Variants in RECQL observed in about 807,000 individuals in gnomAD.
The protein encoded by RECQL is RecQ like helicase.
Under a neutral mutation model 75.8 loss-of-function variants are expected in RECQL, and 73 were observed. The ratio of observed to expected loss-of-function variants is 0.96; its 90% CI spans 0.80 to 1.17. The LOEUF (loss-of-function observed/expected upper bound fraction) is 1.17, where lower values mean the gene tolerates loss of function less well. Among genes scored for constraint, RECQL ranks in the 50% most tolerant of loss-of-function variants. The pLI is 0.00. For synonymous variants in RECQL, 248 were observed against 254.4 expected, an observed-to-expected ratio of 0.97 and a Z score of 0.24; for missense variants, 699 against 772.1, an observed-to-expected ratio of 0.91 and a Z score of 1.12.
At chr12:21,493,558 T>G (rs139607795) in intron 2 of RECQL, among the ~76,000 whole-genome samples, 2 of 152,208 alleles carry the variant, frequency 1.3e-5, no homozygotes, top group African/African-American at 4.8e-5. Context: ...TGAATTTCAA[T>G]ACAAACTGAA....
chr12:21,498,265 T>G (rs536552233), intron 2 of RECQL, among the ~76,000 whole-genome samples: 3 of 152,232 alleles, frequency 2.0e-5, no homozygotes, highest in African/African-American at 7.2e-5. Context: ...CTTTAAGGGC[T>G]GGACTAGTAG....
chr12:21,495,199 G>A (rs914093680), intron 2 of RECQL, among the ~76,000 whole-genome samples: 1 of 152,198 alleles, frequency 6.6e-6, no homozygotes, highest in Non-Finnish European at 1.5e-5. Context: ...GCAGAGGTTG[G>A]AGCCTGTTGG....
At chr12:21,482,956 G>A (rs1943219889) in intron 6 of RECQL, among the ~76,000 whole-genome samples, 2 of 152,194 alleles carry the variant, frequency 1.3e-5, no homozygotes, top group Non-Finnish European at 2.9e-5. Context: ...TCAGAATGAT[G>A]ACTAAAGATG....
At chr12:21,472,637 T>C (rs897077250) in intron 12 of RECQL, among the ~76,000 whole-genome samples, 4 of 152,078 alleles carry the variant, frequency 2.6e-5, no homozygotes, top group African/African-American at 9.7e-5. Context: ...TGCAAATACA[T>C]TATATTTTCT....
At position 21,491,572 on chromosome 12, in the gene RECQL, T is replaced by C. The variant is rs1943414326; in HGVS notation, c.161A>G (p.Asp54Gly). ...KKIKQCLEDS[D>G]AGASNEYDSS... ...ATCATATTCATTGCTTGCCCCGGCATCAGAATCCTCTAAACACTGCTTTAT... is the reference window on the plus strand; with the variant it reads ...ATCATATTCATTGCTTGCCCCGGCACCAGAATCCTCTAAACACTGCTTTAT... The change falls in exon 3 of 15, where the codon GAT (aspartate) becomes GGT (glycine). Residue 54 changes from aspartate (D) to glycine (G), a missense_variant. This residue lies in a region of RECQL where 669 missense variants were observed against 713.5 expected (regional missense o/e 0.94). Transcript: ENST00000444129. The C allele has an allele frequency of 6.2e-7, 1 of 1,613,460 alleles. No homozygotes were observed. Among genetic ancestry groups the C allele is most frequent in the Non-Finnish European group, 8.5e-7 (1 of 1,179,812 alleles).
chr12:21,486,896 C>A (rs1467872915), intron 4 of RECQL, among the ~76,000 whole-genome samples: 1 of 151,976 alleles, frequency 6.6e-6, no homozygotes. Flanking sequence ...TGGTCTCAAA[C>A]TCCTGAGCTC....
chr12:21,499,794 A>G (rs1943573244), intron 1 of RECQL, among the ~76,000 whole-genome samples, 179 bp from the exon 2 acceptor site: 1 of 152,122 alleles, frequency 6.6e-6, no homozygotes, highest in African/African-American at 2.4e-5. Flanking sequence ...TTTATGGAAA[A>G]CTCTATATTT....
At position 21,475,757 on chromosome 12, in the gene RECQL, A is replaced by C. The variant is rs1943074417; in HGVS notation, c.1017T>G (p.Ile339Met). The C allele has an allele frequency of 6.2e-7, 1 of 1,613,282 alleles. No individual in the cohort carries two copies. The highest frequency in any genetic ancestry group is 1.7e-5 in the Admixed American group (1 of 59,974). ...QVTVSLQNLG[I>M]HAGAYHANLE... Reference sequence around the variant, plus strand: ...AATTGGCATGGTAAGCACCTGCATGAATTCCCAGATTCTGCAAACTAACCG... The same window carrying C: ...AATTGGCATGGTAAGCACCTGCATGCATTCCCAGATTCTGCAAACTAACCG... Residue 339 changes from isoleucine (I) to methionine (M), a missense_variant, in exon 9 of 15, where the codon ATT (isoleucine) becomes ATG (methionine). Physicochemically the swap from Ile to Met is conservative, Grantham distance 10. Coordinates refer to ENST00000444129, the MANE Select transcript of RECQL (RefSeq NM_002907.4).
intron 6 of RECQL, among the ~76,000 whole-genome samples, chr12:21,478,764 A>G (rs1377313479): frequency 1.3e-5 from 2 of 152,178 alleles, no homozygotes; most frequent in African/African-American, 4.8e-5. Context: ...CAAAAGAGGG[A>G]CTTGTGCAAG....
At chr12:21,474,392 T>C (rs1943042077) in intron 11 of RECQL, among the ~76,000 whole-genome samples, 1 of 152,086 alleles carries the variant, frequency 6.6e-6, no homozygotes, top group South Asian at 2.1e-4. Flanking sequence ...TTCAGGAAGC[T>C]ATCTAGTCTA....
chr12:21,496,090 T>G (rs1311781343), intron 2 of RECQL, among the ~76,000 whole-genome samples: 1 of 152,222 alleles, frequency 6.6e-6, no homozygotes, highest in Non-Finnish European at 1.5e-5. Context: ...ACTGCATTCC[T>G]GGAGGGATTG....
In RECQL at chr12:21,475,782, G is replaced by C; in HGVS notation, c.992C>G (p.Thr331Arg). The C allele has an allele frequency of 6.2e-7, 1 of 1,612,980 alleles. No homozygotes were observed. Among genetic ancestry groups the C allele is most frequent in the Non-Finnish European group, 8.5e-7 (1 of 1,179,220 alleles). Reference protein sequence around the residue: ...CFSQKDSEQVTVSLQNLGIHA... With the variant: ...CFSQKDSEQVRVSLQNLGIHA... ...AATTCCCAGATTCTGCAAACTAACC[G>C]TAACTTGTTCAGAGTCTTTCTGAGA... The change falls in exon 9 of 15, where the codon ACG (threonine) becomes AGG (arginine). Residue 331 changes from threonine (T) to arginine (R), a missense_variant. Around this residue, in one of 2 missense-constraint regions of RECQL, gnomAD observed 669 missense variants for 713.5 expected, o/e 0.94. Coordinates refer to ENST00000444129, the MANE Select transcript of RECQL (RefSeq NM_002907.4).
chr12:21,491,275 C>A (rs1319522115), intron 3 of RECQL, among the ~76,000 whole-genome samples: 2 of 151,932 alleles, frequency 1.3e-5, no homozygotes, highest in Non-Finnish European at 2.9e-5. Context: ...ATCTCATTTT[C>A]TAAACATGAT....
At chr12:21,472,368 G>A (rs1384334178) in intron 12 of RECQL, among the ~76,000 whole-genome samples, 2 of 152,088 alleles carry the variant, frequency 1.3e-5, no homozygotes, top group Admixed American at 6.6e-5. Flanking sequence ...TAAAGTGAAA[G>A]CAAAGCAAGT....
chr12:21,495,365 G>A (rs1240126324), intron 2 of RECQL, among the ~76,000 whole-genome samples: 1 of 152,192 alleles, frequency 6.6e-6, no homozygotes, highest in African/African-American at 2.4e-5. Context: ...GGGAGGCCGA[G>A]GCGGGTGGAT....
Position 21,471,461 on chromosome 12 carries a change from A to G in RECQL, c.1634T>C (p.Ile545Thr). ...CTGCTGTATTAGAAAGTGTGCAATA[A>G]TCTTCTCCAGATCTTCACGAGGAAG... is the stretch of plus-strand genomic sequence containing the variant. Reference protein sequence around the residue: ...PTLPREDLEKIIAHFLIQQYL... With the variant: ...PTLPREDLEKTIAHFLIQQYL... Residue 545 changes from isoleucine to threonine, a missense_variant, in exon 13 of 15, where the codon ATT becomes ACT. Physicochemically the swap from Ile to Thr is moderately conservative, Grantham distance 89. Transcript: ENST00000444129. The G allele has an allele frequency of 1.2e-6, 2 of 1,613,060 alleles. No individual in the cohort carries two copies. Among genetic ancestry groups the G allele is most frequent in the Middle Eastern group, 1.7e-4 (1 of 6,050 alleles).
chr12:21,485,210 C>CAA lies in RECQL; in HGVS notation c.501+1267_501+1268dup, dbSNP rs60867895. Among the ~76,000 whole-genome samples, 1,031 of 112,632 alleles carry CAA rather than the reference C, an allele frequency of 9.2e-3. 13 individuals carry two copies. The highest frequency in any genetic ancestry group is 0.03 in the African/African-American group (869 of 28,886). The allele number at this position is 112,632 out of a possible 152,430, so 73.9% of individuals were successfully genotyped here. On this transcript the variant is annotated intron_variant, in intron 5 of 14. Coordinates refer to ENST00000444129, the MANE Select transcript of RECQL (RefSeq NM_002907.4). ...TGATACCACAGTAAGTATACTCTTG[C>CAA]AAAAAAAAAAAAAAAAGTTAAAGAA...
intron 4 of RECQL, among the ~76,000 whole-genome samples, chr12:21,488,802 G>A (rs1446733150): frequency 1.3e-5 from 2 of 152,074 alleles, no homozygotes; most frequent in East Asian, 1.9e-4. Flanking sequence ...GAAATAATGA[G>A]TCTCTTACCT....
intron 4 of RECQL, among the ~76,000 whole-genome samples, chr12:21,488,373 G>A (rs1051663703): frequency 1.3e-5 from 2 of 152,052 alleles, no homozygotes; most frequent in African/African-American, 4.8e-5. Flanking sequence ...AACTCTTGGT[G>A]TTCTGGTTTC....
Sources: allele counts gnomAD v4.1 joint callset (sites outside exome capture counted in the v4.1 genomes callset), GRCh38; gene constraint gnomAD v4.1.1; regional missense constraint gnomAD v4.1.1; transcripts MANE v1.5; gene names NCBI Gene and HGNC (gene_info 2026-07-23, HGNC 2026-07-21).